PAFAH1B1: variants seen among roughly 807,000 people sequenced by gnomAD.
The protein encoded by PAFAH1B1 is platelet-activating factor acetylhydrolase IB subunit beta.
Under a neutral mutation model 57.5 loss-of-function variants are expected in PAFAH1B1, and 2 were observed. That is an observed-to-expected ratio of 0.03 (90% CI 0.01 to 0.11). The LOEUF (loss-of-function observed/expected upper bound fraction) is 0.11. PAFAH1B1 is among the 10% of genes least tolerant of loss of function. PAFAH1B1 has a pLI of 1.00. For synonymous variants in PAFAH1B1, 152 were observed against 169.6 expected (o/e 0.90, Z 0.81); for missense variants, 257 against 512.0 (o/e 0.50, Z 4.81).
At chr17:2,597,403 CTTTTTTTTTT>C (rs1187594089) in intron 1 of PAFAH1B1, among the ~76,000 whole-genome samples, 37 of 64,402 alleles carry the variant, frequency 5.7e-4, no homozygotes, top group African/African-American at 1.5e-3. Context: ...ACATCCGTGT[CTTTTTTTTTT>C]TTTTTTTTTT....
chr17:2,665,572 T>C, intron 3 of PAFAH1B1, 116 bp downstream of exon 3: 1 of 640,200 alleles, frequency 1.6e-6, no homozygotes, highest in Admixed American at 3.0e-5. Context: ...TACTTGGTAC[T>C]GAACTTGATT....
chr17:2,661,407 A>G (rs1447037961), intron 2 of PAFAH1B1, among the ~76,000 whole-genome samples: 1 of 152,166 alleles, frequency 6.6e-6, no homozygotes, highest in African/African-American at 2.4e-5. Context: ...AGCACCATTT[A>G]TTAATTAAGG....
At position 2,593,873 on chromosome 17, in the gene PAFAH1B1, G is replaced by T; in HGVS notation, c.-324G>T. The T allele has an allele frequency of 6.5e-6, 1 of 153,438 alleles. No homozygotes were observed. The highest frequency in any genetic ancestry group is 1.3e-5 in the Non-Finnish European group (1 of 75,962). 9.5% of individuals were successfully genotyped at this position (153,438 alleles called of 1,614,324 possible). ...CCTCCCCTCCCCCTCCCCGGGCCCG[G>T]GCCCAGCGCGCCATCCTCCCCCCTC... On this transcript the variant is annotated 5_prime_UTR_variant, in exon 1 of 11. Coordinates refer to ENST00000397195, the MANE Select transcript of PAFAH1B1 (RefSeq NM_000430.4).
Position 2,683,465 on chromosome 17 carries a change from GC to G in PAFAH1B1, c.*1664del, listed in dbSNP as rs1241488754. 1 of 152,200 alleles carries G rather than the reference GC, an allele frequency of 6.6e-6. No homozygotes were observed. Among genetic ancestry groups the G allele is most frequent in the Admixed American group, 6.5e-5 (1 of 15,274 alleles). 9.4% of individuals were successfully genotyped at this position (152,200 alleles called of 1,614,324 possible). A position where few individuals can be genotyped will look rare whatever the true frequency, so the allele number is the denominator to read the frequency against. The stretch of plus-strand genomic sequence containing the variant: ...AGTATTTAATGGAAAATTGGTTCCT[GC>G]AAAAGACAAAGGGTGAGAGTTAGCG... On this transcript the variant is annotated 3_prime_UTR_variant, in exon 11 of 11. Coordinates refer to ENST00000397195, the MANE Select transcript of PAFAH1B1 (RefSeq NM_000430.4).
chr17:2,659,087 C>G (rs1342743573), intron 2 of PAFAH1B1, among the ~76,000 whole-genome samples: 1 of 152,056 alleles, frequency 6.6e-6, no homozygotes, highest in African/African-American at 2.4e-5. Context: ...CCCGTCTCTA[C>G]TAAAAATACA....
At chr17:2,650,163 A>G (rs995625978) in intron 2 of PAFAH1B1, among the ~76,000 whole-genome samples, 1 of 152,142 alleles carries the variant, frequency 6.6e-6, no homozygotes, top group Non-Finnish European at 1.5e-5. Flanking sequence ...GGAGTTTGAG[A>G]TCGGCCTGGG....
rs150809072 is a variant in PAFAH1B1 at position 2,616,060 on chromosome 17, A to G, written c.-190-22039A>G. On this transcript the variant is annotated intron_variant, in intron 1 of 10. Coordinates refer to ENST00000397195, the MANE Select transcript of PAFAH1B1 (RefSeq NM_000430.4). ...GAATAGGATGAGTTCTCAGTTACCTACTTTATTCTTCAAATAGCCCTTATT... is the reference window on the plus strand; with the variant it reads ...GAATAGGATGAGTTCTCAGTTACCTGCTTTATTCTTCAAATAGCCCTTATT... Among the ~76,000 whole-genome samples the G allele has an allele frequency of 3.6e-3, 543 of 152,348 alleles. 2 individuals are homozygous for G. The highest frequency in any genetic ancestry group is 0.012 in the African/African-American group (484 of 41,582).
intron 1 of PAFAH1B1, among the ~76,000 whole-genome samples, chr17:2,607,108 G>T (rs1391977897): frequency 6.6e-6 from 1 of 152,094 alleles, no homozygotes; most frequent in Non-Finnish European, 1.5e-5. Flanking sequence ...ACAGGCTTGA[G>T]CCACCACGCT....
At chr17:2,613,004 A>G (rs184838820) in intron 1 of PAFAH1B1, among the ~76,000 whole-genome samples, 1 of 151,482 alleles carries the variant, frequency 6.6e-6, no homozygotes, top group African/African-American at 2.4e-5. Context: ...GTTTTGTAAA[A>G]TAATTTTATA....
At chr17:2,679,180 G>C (rs781753005) in intron 9 of PAFAH1B1, among the ~76,000 whole-genome samples, 11 of 152,214 alleles carry the variant, frequency 7.2e-5, no homozygotes, top group Non-Finnish European at 1.6e-4. Context: ...CTTTAATTTA[G>C]AAAGTATGTG....
chr17:2,604,289 C>T (rs545494182), intron 1 of PAFAH1B1, among the ~76,000 whole-genome samples: 15 of 151,216 alleles, frequency 9.9e-5, no homozygotes, highest in East Asian at 3.9e-4. Context: ...CCCCCCGCCT[C>T]GGCCTCCCAA....
At position 2,602,070 on chromosome 17, in the gene PAFAH1B1, T is replaced by A. The variant is rs575709540; in HGVS notation, c.-191+8064T>A. Reference sequence around the variant, plus strand: ...TTGTCTTTAATGGTTCAGCAGTCACTTAAAAATTTTTACAGTATTACCATG... The same window carrying A: ...TTGTCTTTAATGGTTCAGCAGTCACATAAAAATTTTTACAGTATTACCATG... On this transcript the variant is annotated intron_variant, in intron 1 of 10. Transcript: ENST00000397195. 2.0e-5 allele frequency among the ~76,000 whole-genome samples: 3 copies of A among 152,226 alleles called. No individual in the cohort carries two copies. In the South Asian group the frequency reaches 6.2e-4, roughly 32 times the overall value.
At chr17:2,652,237 C>T (rs536143186) in intron 2 of PAFAH1B1, among the ~76,000 whole-genome samples, 180 of 151,616 alleles carry the variant, frequency 1.2e-3, no homozygotes, top group African/African-American at 3.5e-3. Context: ...GGTGAAACCC[C>T]GTCTCTACTA....
intron 1 of PAFAH1B1, among the ~76,000 whole-genome samples, chr17:2,624,069 T>G (rs2151625070): frequency 1.3e-5 from 2 of 152,324 alleles, no homozygotes; most frequent in Middle Eastern, 3.4e-3. Flanking sequence ...TCCACAAATC[T>G]CTAGGGCAGG....
chr17:2,597,897 T>C (rs906130801), intron 1 of PAFAH1B1, among the ~76,000 whole-genome samples: 1 of 152,016 alleles, frequency 6.6e-6, no homozygotes, highest in East Asian at 1.9e-4. Flanking sequence ...ATGTTATTCA[T>C]AATTTGTCAT....
At chr17:2,672,564 GA>G in intron 6 of PAFAH1B1, 90 bp from the exon 7 acceptor site, 1 of 893,120 alleles carries the variant, frequency 1.1e-6, no homozygotes, top group East Asian at 2.6e-5. Context: ...TTGACATAGT[GA>G]AACCCCATGG....
intron 1 of PAFAH1B1, among the ~76,000 whole-genome samples, chr17:2,624,345 T>C: frequency 6.6e-6 from 1 of 152,200 alleles, no homozygotes; most frequent in East Asian, 1.9e-4. Flanking sequence ...CCGGGTATCT[T>C]TTCAGCAATT....
intron 2 of PAFAH1B1, among the ~76,000 whole-genome samples, chr17:2,659,769 A>C (rs570065550): frequency 1.9e-4 from 29 of 152,212 alleles, no homozygotes; most frequent in African/African-American, 6.7e-4. Context: ...CTCAGGAAAC[A>C]GGCTTCAGTG....
intron 1 of PAFAH1B1, among the ~76,000 whole-genome samples, chr17:2,618,934 A>G (rs1242249293): frequency 1.4e-5 from 2 of 143,780 alleles, no homozygotes; most frequent in African/African-American, 5.2e-5. Flanking sequence ...TAGGCTGGGC[A>G]ATGGAGTGAG....
Sources: gnomAD v4.1 joint callset for allele counts (sites outside exome capture counted in the v4.1 genomes callset) on GRCh38, gnomAD v4.1.1 for gene constraint, MANE v1.5 for transcripts, NCBI Gene and HGNC (gene_info 2026-07-23, HGNC 2026-07-21) for gene names.